RYR3: variants seen among roughly 807,000 people sequenced by gnomAD.
RYR3 encodes the protein brain ryanodine receptor-calcium release channel.
Under a neutral mutation model 584.3 loss-of-function variants are expected in RYR3, and 207 were observed. That is an observed-to-expected ratio of 0.35 (90% CI 0.32 to 0.40). The LOEUF is 0.40. Among genes scored for constraint, RYR3 ranks in the 10% least tolerant of loss-of-function variants. The pLI is 1.00. For missense variants in RYR3, 5,616 were observed against 6,089.2 expected (o/e 0.92, Z 2.59); for synonymous variants, 2,416 against 2,248.5 (o/e 1.07, Z -2.11).
chr15:33,592,145 A>G (rs1358767137), intron 16 of RYR3, among the ~76,000 whole-genome samples: 1 of 152,218 alleles, frequency 6.6e-6, no homozygotes, highest in African/African-American at 2.4e-5. Flanking sequence ...CCTGTGACAC[A>G]CAACCCCGTA....
intron 38 of RYR3, among the ~76,000 whole-genome samples, chr15:33,692,619 CTT>C (rs3085218): frequency 1.2e-4 from 17 of 140,268 alleles, no homozygotes; most frequent in African/African-American, 1.3e-4. Context: ...CTGGGGACTA[CTT>C]TTTTTTTTTT....
At chr15:33,608,399 G>T (rs1458688161) in intron 18 of RYR3, among the ~76,000 whole-genome samples, 1 of 152,224 alleles carries the variant, frequency 6.6e-6, no homozygotes, top group Non-Finnish European at 1.5e-5. Flanking sequence ...CCTCACAGGG[G>T]TGGAGATTAC....
chr15:33,729,175 G>A, intron 47 of RYR3, 149 bp downstream of exon 47: 1 of 727,644 alleles, frequency 1.4e-6, no homozygotes, highest in Admixed American at 2.9e-5. Flanking sequence ...TCATGAAATG[G>A]AAGATCTTAA....
At chr15:33,642,368 G>T (rs1047207656) in intron 27 of RYR3, among the ~76,000 whole-genome samples, 3 of 152,194 alleles carry the variant, frequency 2.0e-5, no homozygotes, top group Admixed American at 6.5e-5. Flanking sequence ...TGATCTTCAT[G>T]TTCATGGCTC....
At chr15:33,509,636 C>T (rs900381869) in intron 3 of RYR3, among the ~76,000 whole-genome samples, 9 of 152,166 alleles carry the variant, frequency 5.9e-5, no homozygotes, top group African/African-American at 2.2e-4. Flanking sequence ...CTTTTTAAGT[C>T]ACTCATGCTT....
In RYR3 at chr15:33,670,451, G is replaced by A. The variant is rs2063777102; in HGVS notation, c.5755G>A (p.Glu1919Lys). Residue 1919 changes from glutamate (E) to lysine (K), a missense_variant, in exon 38 of 104, where the codon GAG (glutamate) becomes AAG (lysine). By Grantham distance (56) the Glu-to-Lys change is moderately conservative. This residue lies in a region of RYR3 where 1,280 missense variants were observed against 1,426.2 expected (regional missense o/e 0.90). Coordinates refer to ENST00000634891, the MANE Select transcript of RYR3 (RefSeq NM_001036.6). ...VPLEEEEEEE[E>K]DTSWTGKLCA... is the part of the protein sequence containing the mutation. ...TTTGGAAGAAGAGGAAGAGGAGGAG[G>A]AGGACACCTCCTGGACAGGAAAACT... 1 of 1,613,558 alleles carries A rather than the reference G, an allele frequency of 6.2e-7. No homozygotes were observed. The highest frequency in any genetic ancestry group is 1.3e-5 in the African/African-American group (1 of 74,878).
chr15:33,755,035 C>G, intron 57 of RYR3, 30 bp from the exon 58 acceptor site: 1 of 1,276,966 alleles, frequency 7.8e-7, no homozygotes, highest in Non-Finnish European at 1.1e-6. Flanking sequence ...GTCTCTGTTA[C>G]TTCCTGGGGT....
chr15:33,536,353 T>G (rs2055329063), intron 5 of RYR3, among the ~76,000 whole-genome samples: 1 of 152,246 alleles, frequency 6.6e-6, no homozygotes, highest in Non-Finnish European at 1.5e-5. Flanking sequence ...TCCTTGATTT[T>G]GGGTAAAATT....
Position 33,731,487 on chromosome 15 carries a change from C to A in RYR3, c.7217C>A (p.Thr2406Asn). The stretch of plus-strand genomic sequence containing the variant: ...TTCTTTCTCTAGGTTTCCCTAAGCA[C>A]CACAGAGGCTGCGCTTGCACTAAAT... ...SASLDTVSLS[T>N]TEAALALNRY... Residue 2406 changes from threonine (T) to asparagine (N), a missense_variant, in exon 48 of 104, where the codon ACC becomes AAC. Thr to Asn is a moderately conservative substitution (Grantham distance 65). Coordinates refer to ENST00000634891, the MANE Select transcript of RYR3 (RefSeq NM_001036.6). The A allele has an allele frequency of 6.2e-7, 1 of 1,611,620 alleles. No individual in the cohort carries two copies. Among genetic ancestry groups the A allele is most frequent in the Non-Finnish European group, 8.5e-7 (1 of 1,178,756 alleles).
intron 12 of RYR3, among the ~76,000 whole-genome samples, chr15:33,572,590 G>A (rs992743462): frequency 6.7e-6 from 1 of 149,806 alleles, no homozygotes; most frequent in Non-Finnish European, 1.5e-5. Flanking sequence ...AGCATCAACA[G>A]GCTGAAACAC....
intron 1 of RYR3, among the ~76,000 whole-genome samples, chr15:33,331,048 TTGG>T (rs1303709243): frequency 1.3e-5 from 2 of 152,020 alleles, no homozygotes; most frequent in African/African-American, 4.8e-5. Context: ...GTTTGTTTGG[TTGG>T]TTGGTTGGTT....
intron 36 of RYR3, among the ~76,000 whole-genome samples, chr15:33,663,982 C>CCTCT (rs2063318451): frequency 6.6e-6 from 1 of 152,100 alleles, no homozygotes; most frequent in Admixed American, 6.5e-5. Flanking sequence ...CTTCTTTAAC[C>CCTCT]CTCTCCAATG....
intron 31 of RYR3, among the ~76,000 whole-genome samples, chr15:33,651,680 C>T (rs748244243): frequency 3.9e-5 from 6 of 152,190 alleles, no homozygotes; most frequent in Non-Finnish European, 7.3e-5. Context: ...TATCCCTGCC[C>T]CTATGTGGCC....
intron 38 of RYR3, among the ~76,000 whole-genome samples, chr15:33,671,029 G>A (rs879774320): frequency 2.0e-5 from 3 of 152,034 alleles, no homozygotes; most frequent in Non-Finnish European, 4.4e-5. Context: ...TGGATTTGGG[G>A]TATGATTTTT....
chr15:33,355,447 T>C (rs544597903), intron 1 of RYR3, among the ~76,000 whole-genome samples: 1 of 152,294 alleles, frequency 6.6e-6, no homozygotes, highest in Admixed American at 6.5e-5. Context: ...TGTATGTTAT[T>C]TTTCCTACTG....
intron 86 of RYR3, among the ~76,000 whole-genome samples, chr15:33,834,285 A>ACAC (rs2077879531): frequency 1.5e-5 from 2 of 136,870 alleles, no homozygotes. Context: ...ATCTGTCTTA[A>ACAC]ACACACACAC....
intron 38 of RYR3, among the ~76,000 whole-genome samples, chr15:33,684,631 C>A (rs1394817595): frequency 6.6e-6 from 1 of 152,030 alleles, no homozygotes; most frequent in Non-Finnish European, 1.5e-5. Flanking sequence ...AGAAGAGCAA[C>A]CCCAAGACAC....
At chr15:33,641,815 T>A (rs2152665238) in intron 27 of RYR3, among the ~76,000 whole-genome samples, 1 of 152,304 alleles carries the variant, frequency 6.6e-6, no homozygotes, top group South Asian at 2.1e-4. Context: ...AGTGTGCAAC[T>A]CTCCCTGTAG....
At chr15:33,376,111 G>C (rs2040720458) in intron 1 of RYR3, among the ~76,000 whole-genome samples, 1 of 152,106 alleles carries the variant, frequency 6.6e-6, no homozygotes, top group Non-Finnish European at 1.5e-5. Flanking sequence ...GTTTCTTCTT[G>C]TCCCTTTTCA....
Sources: allele counts gnomAD v4.1 joint callset (sites outside exome capture counted in the v4.1 genomes callset), GRCh38; gene constraint gnomAD v4.1.1; regional missense constraint gnomAD v4.1.1; transcripts MANE v1.5; gene names NCBI Gene and HGNC (gene_info 2026-07-23, HGNC 2026-07-21).